Variants in SLC66A3 observed in about 807,000 individuals in gnomAD.
SLC66A3 encodes the protein PQ loop repeat containing 3.
A neutral mutation model predicts 25.5 loss-of-function variants in SLC66A3; 23 were observed. The ratio of observed to expected loss-of-function variants is 0.90; its 90% CI spans 0.65 to 1.28. The LOEUF is 1.28. Ranked by LOEUF, SLC66A3 falls within the 50% of genes most tolerant of loss-of-function variation. The pLI, the probability that SLC66A3 is intolerant of heterozygous loss-of-function variation, is 0.00. For missense variants in SLC66A3, 246 were observed against 262.1 expected, an observed-to-expected ratio of 0.94 and a Z score of 0.42; for synonymous variants, 108 against 112.6, an observed-to-expected ratio of 0.96 and a Z score of 0.26.
chr2:11,171,565 G>A (rs887687530), intron 4 of SLC66A3, among the ~76,000 whole-genome samples: 1 of 151,168 alleles, frequency 6.6e-6, no homozygotes, highest in African/African-American at 2.4e-5. Context: ...TGAGTATCTC[G>A]TGCTCTTTTG....
chr2:11,160,517 C>G lies in SLC66A3; in HGVS notation c.195C>G (p.Thr65=). 6.2e-7 allele frequency: 1 copy of G among 1,614,176 alleles called. No homozygotes were observed. Among genetic ancestry groups the G allele is most frequent in the Non-Finnish European group, 8.5e-7 (1 of 1,180,034 alleles). Residue 65 remains threonine (T), a synonymous_variant, in exon 2 of 7, where the codon ACC becomes ACG. Transcript: ENST00000295083. ...GTTACTATGGGTATCCGCCGCTGAC[C>G]TACCTGGAGTACCCCATCCTCATCG... The part of the protein sequence containing the change: ...YQCYYGYPPL[T]YLEYPILIAQ...
chr2:11,169,236 C>T (rs868158604), intron 4 of SLC66A3, among the ~76,000 whole-genome samples: 14 of 152,162 alleles, frequency 9.2e-5, no homozygotes, highest in African/African-American at 2.2e-4. Flanking sequence ...TTTATCATCA[C>T]GTTTGCCAGA....
At chr2:11,170,578 A>G (rs1315988826) in intron 4 of SLC66A3, among the ~76,000 whole-genome samples, 3 of 148,900 alleles carry the variant, frequency 2.0e-5, no homozygotes, top group South Asian at 2.2e-4. Flanking sequence ...GCTCTAAAAC[A>G]CAGTATCTCA....
At chr2:11,165,126 C>A (rs929531928) in intron 4 of SLC66A3, among the ~76,000 whole-genome samples, 11 of 152,088 alleles carry the variant, frequency 7.2e-5, no homozygotes, top group Middle Eastern at 6.8e-3. Flanking sequence ...AGGCACCCCC[C>A]ACCTCCCGGA....
chr2:11,157,885 C>A (rs948407560), intron 1 of SLC66A3, among the ~76,000 whole-genome samples: 2 of 152,148 alleles, frequency 1.3e-5, no homozygotes, highest in Non-Finnish European at 2.9e-5. Context: ...TGGGCTCTGC[C>A]TCCCTGCTCT....
intron 4 of SLC66A3, among the ~76,000 whole-genome samples, chr2:11,164,744 C>T (rs138240424): frequency 0.028 from 4,179 of 151,654 alleles, 199 homozygotes; most frequent in African/African-American, 0.096. Context: ...TGATTCTTAA[C>T]GAGCCTGCTG....
intron 1 of SLC66A3, among the ~76,000 whole-genome samples, chr2:11,158,661 CAAAA>C (rs796174627): frequency 4.2e-4 from 63 of 151,588 alleles, no homozygotes; most frequent in African/African-American, 1.4e-3. Flanking sequence ...GACTCCGCCT[CAAAA>C]AAAAGAAATT....
intron 4 of SLC66A3, among the ~76,000 whole-genome samples, chr2:11,167,933 T>G (rs1335498514): frequency 6.6e-6 from 1 of 152,134 alleles, no homozygotes; most frequent in African/African-American, 2.4e-5. Flanking sequence ...ATGGTTAAAT[T>G]GATAATTCAT....
chr2:11,162,182 G>A (rs185811908), intron 3 of SLC66A3, among the ~76,000 whole-genome samples: 11 of 152,298 alleles, frequency 7.2e-5, no homozygotes, highest in African/African-American at 2.6e-4. Flanking sequence ...TACTAGAGGC[G>A]AGGCTCTGCA....
intron 3 of SLC66A3, among the ~76,000 whole-genome samples, chr2:11,163,696 G>A (rs867375642): frequency 2.6e-5 from 4 of 152,090 alleles, no homozygotes; most frequent in Non-Finnish European, 5.9e-5. Flanking sequence ...TTCCCGTGGC[G>A]TCACCGAGCT....
At chr2:11,172,815 GTAGC>G (rs968011881) in intron 5 of SLC66A3, 26 of 406,998 alleles carry the variant, frequency 6.4e-5, no homozygotes, top group African/African-American at 4.4e-4. Flanking sequence ...GGGTTTCCAA[GTAGC>G]TGGGAGTACG....
chr2:11,156,108 G>A (rs1325424845), intron 1 of SLC66A3, among the ~76,000 whole-genome samples: 2 of 152,220 alleles, frequency 1.3e-5, no homozygotes, highest in African/African-American at 4.8e-5. Flanking sequence ...TGTGAAATAA[G>A]GGGTTGAACT....
At chr2:11,161,009 G>A (rs948231321) in intron 3 of SLC66A3, among the ~76,000 whole-genome samples, 1 of 152,112 alleles carries the variant, frequency 6.6e-6, no homozygotes, top group African/African-American at 2.4e-5. Flanking sequence ...TTCCTGCCCT[G>A]ATAATGTCCT....
intron 1 of SLC66A3, among the ~76,000 whole-genome samples, chr2:11,156,243 G>C (rs1479820874): frequency 6.6e-6 from 1 of 152,180 alleles, no homozygotes; most frequent in Non-Finnish European, 1.5e-5. Flanking sequence ...AGTTTCCTTA[G>C]TCATCTGTAA....
intron 4 of SLC66A3, among the ~76,000 whole-genome samples, chr2:11,170,258 A>G (rs911571684): frequency 1.3e-5 from 2 of 152,004 alleles, no homozygotes; most frequent in African/African-American, 4.8e-5. Context: ...CCTCGTACAA[A>G]CCCAGGTGAC....
chr2:11,157,541 C>G (rs1661950374), intron 1 of SLC66A3, among the ~76,000 whole-genome samples: 1 of 121,118 alleles, frequency 8.3e-6, no homozygotes, highest in South Asian at 2.4e-4. Context: ...TGCTTGCCAG[C>G]TGGGCCCCCG....
intron 4 of SLC66A3, 65 bp downstream of exon 4, chr2:11,164,326 T>C: frequency 4.6e-6 from 1 of 217,836 alleles, no homozygotes; most frequent in Non-Finnish European, 7.4e-6. Context: ...TTGATAGATA[T>C]TTATATATAT....
At chr2:11,172,756 C>T (rs1258629134) in intron 5 of SLC66A3, 14 of 440,904 alleles carry the variant, frequency 3.2e-5, no homozygotes, top group Non-Finnish European at 5.1e-5. Context: ...GACAGGGTCT[C>T]GCTCTCTCTC....
At chr2:11,159,033 T>C (rs940874959) in intron 1 of SLC66A3, among the ~76,000 whole-genome samples, 2 of 152,010 alleles carry the variant, frequency 1.3e-5, no homozygotes, top group African/African-American at 4.8e-5. Flanking sequence ...TTTCCCCAAG[T>C]GGTCTGTAAG....
Sources: allele counts gnomAD v4.1 joint callset (sites outside exome capture counted in the v4.1 genomes callset), GRCh38; gene constraint gnomAD v4.1.1; transcripts MANE v1.5; gene names NCBI Gene and HGNC (gene_info 2026-07-23, HGNC 2026-07-21).